The following REPS2 variants were observed in gnomAD, a reference collection of about 807,000 sequenced individuals.
REPS2 encodes the protein RALBP1 associated Eps domain containing 2.
In REPS2, 23 loss-of-function variants were observed where a neutral mutation model predicts 53.6. That is an observed-to-expected ratio of 0.43 (90% CI 0.31 to 0.61). REPS2 has a LOEUF of 0.61. Ranked by LOEUF, REPS2 falls within the 20% of genes least tolerant of loss-of-function variation. The probability of loss-of-function intolerance (pLI) is 0.11; values close to 1 mark genes in which losing one functional copy is unlikely to be tolerated. For missense variants in REPS2, 446 were observed against 534.9 expected (o/e 0.83, Z 1.64); for synonymous variants, 238 against 218.6 (o/e 1.09, Z -0.78).
chrX:17,157,948 G>T (rs749307363), downstream of REPS2, among the ~76,000 whole-genome samples: 1 of 111,778 alleles, frequency 8.9e-6, no homozygotes, highest in East Asian at 2.8e-4. Context: ...GTAATGGTGG[G>T]GACTGTGGCA....
At chrX:17,121,327 G>T (rs1476417481) in intron 14 of REPS2, among the ~76,000 whole-genome samples, 3 of 112,257 alleles carry the variant, frequency 2.7e-5, no homozygotes, top group Non-Finnish European at 5.6e-5. Context: ...CTCCCCTGCG[G>T]GGTGGGGGAA....
the REPS2 span, among the ~76,000 whole-genome samples, chrX:17,165,176 A>G: frequency 8.9e-6 from 1 of 112,056 alleles, no homozygotes; most frequent in Non-Finnish European, 1.9e-5. Context: ...CACCAAACTT[A>G]CTAAGCAGCC....
In REPS2 at chrX:17,061,586, A is replaced by G. The variant is rs374048862; in HGVS notation, c.1115-852A>G. Among the ~76,000 whole-genome samples the G allele has an allele frequency of 2.0e-4, 23 of 112,975 alleles. No homozygotes were observed. In the East Asian group the frequency reaches 6.1e-3, roughly 30 times the overall value. On this transcript the variant is annotated intron_variant, in intron 8 of 17. Coordinates refer to ENST00000357277, the MANE Select transcript of REPS2 (RefSeq NM_004726.3). ...ACCTTGCATTACAATTTTATTTCCTAATAGCTTGTTGTGACAAATTTGATT... is the reference window on the plus strand; with the variant it reads ...ACCTTGCATTACAATTTTATTTCCTGATAGCTTGTTGTGACAAATTTGATT...
chrX:17,124,485 C>T (rs761601955), intron 14 of REPS2, among the ~76,000 whole-genome samples: 1 of 111,660 alleles, frequency 9.0e-6, no homozygotes, highest in Admixed American at 9.5e-5. Context: ...CTCTCTGAGC[C>T]TGGTTGGGGA....
At chrX:17,178,657 C>T in the REPS2 span, among the ~76,000 whole-genome samples, 11 of 111,758 alleles carry the variant, frequency 9.8e-5, no homozygotes, top group Middle Eastern at 4.6e-3. Context: ...AGGCCAGGCG[C>T]GGTGGCTCAC....
At chrX:17,100,492 C>T (rs922175324) in intron 13 of REPS2, among the ~76,000 whole-genome samples, 4 of 112,185 alleles carry the variant, frequency 3.6e-5, no homozygotes, top group Non-Finnish European at 7.5e-5. Flanking sequence ...CGGCTAATGG[C>T]CCTCCTCTCA....
chrX:17,173,501 C>G, the REPS2 span, among the ~76,000 whole-genome samples: 1 of 111,801 alleles, frequency 8.9e-6, no homozygotes, highest in Non-Finnish European at 1.9e-5. Context: ...CTCTATCTAT[C>G]ATAATCTAAC....
chrX:17,069,949 G>T lies in REPS2; in HGVS notation c.1289G>T (p.Ser430Ile), dbSNP rs768968219. The change falls in exon 11 of 18, where the codon AGT becomes ATT. Residue 430 changes from serine to isoleucine, a missense_variant. Ser to Ile is a moderately radical substitution (Grantham distance 142, BLOSUM62 -2). Transcript: ENST00000357277. ...AACAAAACACAACTAGCTTTGAAAAGTACTATCAATGAAGCCTTACCAAAG... is the reference window on the plus strand; with the variant it reads ...AACAAAACACAACTAGCTTTGAAAATTACTATCAATGAAGCCTTACCAAAG... ...VTSDDKQALK[S>I]TINEALPKDV... The T allele has an allele frequency of 8.0e-6, 9 of 1,131,909 alleles. No individual in the cohort carries two copies. The Admixed American group carries it at 2.4e-4, about 30-fold the overall frequency. The allele number at this position is 1,131,909 out of a possible 1,213,427, so 93.3% of individuals were successfully genotyped here. A position where few individuals can be genotyped will look rare whatever the true frequency, so the allele number is the denominator to read the frequency against.
In REPS2 at chrX:17,069,933, C is replaced by A; in HGVS notation, c.1280-7C>A. ...TTCTTTTTGCTTAAAAAACAAAACA[C>A]AACTAGCTTTGAAAAGTACTATCAA... On this transcript the variant is annotated splice_region_variant and splice_polypyrimidine_tract_variant and intron_variant, in intron 10 of 17. Coordinates refer to ENST00000357277, the MANE Select transcript of REPS2 (RefSeq NM_004726.3). The A allele has an allele frequency of 9.1e-7, 1 of 1,097,432 alleles. No homozygotes were observed. Among genetic ancestry groups the A allele is most frequent in the Non-Finnish European group, 1.2e-6 (1 of 829,926 alleles). 90.4% of individuals were successfully genotyped at this position (1,097,432 alleles called of 1,213,427 possible).
At chrX:17,188,183 G>A in the REPS2 span, among the ~76,000 whole-genome samples, 1 of 112,177 alleles carries the variant, frequency 8.9e-6, no homozygotes, top group African/African-American at 3.2e-5. Context: ...AACCAAACAT[G>A]GGAATATACT....
intron 14 of REPS2, among the ~76,000 whole-genome samples, chrX:17,113,188 T>C (rs766980930): frequency 4.5e-4 from 37 of 83,012 alleles, no homozygotes; most frequent in African/African-American, 1.7e-3. Flanking sequence ...AGAGTGGAGA[T>C]AAACAAAATA....
intron 2 of REPS2, among the ~76,000 whole-genome samples, chrX:17,016,328 A>G (rs1191066375): frequency 2.7e-5 from 3 of 112,680 alleles, no homozygotes; most frequent in Non-Finnish European, 3.7e-5. Context: ...GTAGCCATGG[A>G]CAGCATGTAA....
At chrX:17,024,517 G>A (rs758115938) in intron 3 of REPS2, among the ~76,000 whole-genome samples, 20 of 107,125 alleles carry the variant, frequency 1.9e-4, no homozygotes, top group Non-Finnish European at 3.5e-4. Context: ...TAAGCTGGTT[G>A]GAATGGTTTA....
chrX:17,127,743 TA>T (rs2063234677), intron 14 of REPS2, among the ~76,000 whole-genome samples: 1 of 111,825 alleles, frequency 8.9e-6, no homozygotes, highest in African/African-American at 3.3e-5. Context: ...CCCAGAAACT[TA>T]AAACAACTGA....
chrX:17,090,852 A>G (rs1388553118), intron 13 of REPS2, among the ~76,000 whole-genome samples: 1 of 111,968 alleles, frequency 8.9e-6, no homozygotes, highest in Non-Finnish European at 1.9e-5. Context: ...AAATTTTTAT[A>G]GTTTTAGCTC....
At chrX:16,994,323 ATG>A (rs1429578494) in intron 1 of REPS2, among the ~76,000 whole-genome samples, 2 of 110,464 alleles carry the variant, frequency 1.8e-5, no homozygotes, top group African/African-American at 6.6e-5. Flanking sequence ...GTGTGTATAT[ATG>A]TGTGTATGTA....
At chrX:17,068,328 T>C in intron 9 of REPS2, 74 bp from the exon 10 acceptor site, 1 of 912,773 alleles carries the variant, frequency 1.1e-6, no homozygotes, top group Admixed American at 3.0e-5. Context: ...AAAAAAAATT[T>C]TTTTTCATCA....
intron 14 of REPS2, among the ~76,000 whole-genome samples, chrX:17,116,804 CT>C (rs913550119): frequency 8.9e-6 from 1 of 111,922 alleles, no homozygotes; most frequent in Non-Finnish European, 1.9e-5. Flanking sequence ...TTATTTTTAA[CT>C]TGTTCTATTT....
chrX:17,007,730 C>G (rs2061379593), intron 2 of REPS2, among the ~76,000 whole-genome samples: 1 of 112,348 alleles, frequency 8.9e-6, no homozygotes, highest in Non-Finnish European at 1.9e-5. Context: ...ACAATTCTCT[C>G]CTGTGCCTGC....
Sources: allele counts gnomAD v4.1 joint callset (sites outside exome capture counted in the v4.1 genomes callset), GRCh38; gene constraint gnomAD v4.1.1; transcripts MANE v1.5; gene names NCBI Gene and HGNC (gene_info 2026-07-23, HGNC 2026-07-21).